UBE3D: variants seen among roughly 807,000 people sequenced by gnomAD.
The protein encoded by UBE3D is ubiquitin protein ligase E3D.
Under a neutral mutation model 49.6 loss-of-function variants are expected in UBE3D, and 48 were observed. That is an observed-to-expected ratio of 0.97 (90% CI 0.77 to 1.23). The LOEUF (loss-of-function observed/expected upper bound fraction) is 1.23, where lower values mean the gene tolerates loss of function less well. Ranked by LOEUF, UBE3D falls within the 50% of genes most tolerant of loss-of-function variation. The probability of loss-of-function intolerance (pLI) is 0.00; values close to 1 mark genes in which losing one functional copy is unlikely to be tolerated. For missense variants in UBE3D, 452 were observed against 468.4 expected (o/e 0.96, Z 0.32); for synonymous variants, 189 against 174.2 (o/e 1.08, Z -0.67).
At chr6:82,923,849 T>C (rs1773540912) in intron 9 of UBE3D, among the ~76,000 whole-genome samples, 1 of 152,224 alleles carries the variant, frequency 6.6e-6, no homozygotes, top group Non-Finnish European at 1.5e-5. Context: ...CTCAAGAATG[T>C]TAATTTAACA....
intron 8 of UBE3D, among the ~76,000 whole-genome samples, chr6:82,985,407 G>A (rs1778409235): frequency 1.3e-5 from 2 of 152,000 alleles, no homozygotes; most frequent in African/African-American, 4.8e-5. Flanking sequence ...CTGTTGCCCA[G>A]GCTGGAGTGC....
intron 8 of UBE3D, among the ~76,000 whole-genome samples, chr6:83,016,488 C>T (rs1780707734): frequency 6.6e-6 from 1 of 151,976 alleles, no homozygotes; most frequent in Non-Finnish European, 1.5e-5. Flanking sequence ...CTCCAGAAAC[C>T]TCAAAACCAA....
At position 83,065,570 on chromosome 6, in the gene UBE3D, G is replaced by A; in HGVS notation, c.77+72C>T. ...ACTCAAAATCCCTCGTACAGAGAGA[G>A]ACTCACCAGCCCCCGACCCCCGGGC... is the stretch of plus-strand genomic sequence containing the variant. On this transcript the variant is annotated intron_variant, in intron 1 of 9. Coordinates refer to ENST00000369747, the MANE Select transcript of UBE3D (RefSeq NM_198920.3). 2.1e-6 allele frequency: 3 copies of A among 1,425,066 alleles called. No homozygotes were observed. The South Asian group carries it at 3.6e-5, about 17-fold the overall frequency. The allele number at this position is 1,425,066 out of a possible 1,614,324, so 88.3% of individuals were successfully genotyped here. A position where few individuals can be genotyped will look rare whatever the true frequency, so the allele number is the denominator to read the frequency against.
intron 8 of UBE3D, among the ~76,000 whole-genome samples, chr6:82,984,888 A>G (rs3120807): frequency 0.88 from 132,780 of 151,746 alleles, 58,163 homozygotes; most frequent in East Asian, 0.96. Flanking sequence ...ATGGCTCCCT[A>G]AAGCCTTTAT....
At chr6:82,938,906 G>A (rs1266472900) in intron 9 of UBE3D, among the ~76,000 whole-genome samples, 1 of 151,980 alleles carries the variant, frequency 6.6e-6, no homozygotes, top group Non-Finnish European at 1.5e-5. Context: ...CCATAGTCTG[G>A]TGTGGTGGCA....
Position 82,950,965 on chromosome 6 carries a change from G to T in UBE3D, c.1149+6347C>A, listed in dbSNP as rs1414568759. 2.0e-5 allele frequency among the ~76,000 whole-genome samples: 3 copies of T among 151,658 alleles called. No individual in the cohort carries two copies. The East Asian group carries it at 5.8e-4, about 29-fold the overall frequency. On this transcript the variant is annotated intron_variant, in intron 9 of 9. Coordinates refer to ENST00000369747, the MANE Select transcript of UBE3D (RefSeq NM_198920.3). Reference sequence around the variant, plus strand: ...TGGTTACCAAAGGCTGGGAAGAGTAGTGGAGGGATGAGGGAAGTGGGGATG... The same window carrying T: ...TGGTTACCAAAGGCTGGGAAGAGTATTGGAGGGATGAGGGAAGTGGGGATG...
chr6:83,054,900 C>A (rs1456153592), intron 2 of UBE3D, among the ~76,000 whole-genome samples: 5 of 152,182 alleles, frequency 3.3e-5, no homozygotes, highest in Admixed American at 6.5e-5. Flanking sequence ...CCCCTTGCCT[C>A]GGCCTCCCAA....
Position 83,065,711 on chromosome 6 carries a change from G to A in UBE3D, c.8C>T (p.Ala3Val), listed in dbSNP as rs752725537. Residue 3 changes from alanine to valine, a missense_variant, in exon 1 of 10, where the codon GCT becomes GTT. Coordinates refer to ENST00000369747, the MANE Select transcript of UBE3D (RefSeq NM_198920.3). ...AAACACGCGCGTCTCCGCCGCAGAA[G>A]CCGCCATGGCAGGCTTCCAGTCCCA... MA[A>V]SAAETRVFLE... is the part of the protein sequence containing the mutation. The A allele has an allele frequency of 1.2e-6, 2 of 1,611,178 alleles. No homozygotes were observed. The highest frequency in any genetic ancestry group is 1.7e-6 in the Non-Finnish European group (2 of 1,178,880).
At chr6:83,013,619 C>A (rs903465340) in intron 8 of UBE3D, among the ~76,000 whole-genome samples, 4 of 152,198 alleles carry the variant, frequency 2.6e-5, no homozygotes. Flanking sequence ...ACTAGGCCTA[C>A]CAGGCGTTGT....
chr6:82,903,884 A>G (rs1771912816), intron 9 of UBE3D, among the ~76,000 whole-genome samples: 3 of 152,140 alleles, frequency 2.0e-5, no homozygotes. Flanking sequence ...AGAGGATGCT[A>G]TGTGATGTTT....
At chr6:83,022,320 C>A in intron 7 of UBE3D, 133 bp downstream of exon 7, 1 of 615,256 alleles carries the variant, frequency 1.6e-6, no homozygotes, top group South Asian at 2.8e-5. Flanking sequence ...AGCCACCGTG[C>A]CCAGCCTGAT....
At chr6:82,910,241 T>G (rs1172996947) in intron 9 of UBE3D, among the ~76,000 whole-genome samples, 3 of 152,134 alleles carry the variant, frequency 2.0e-5, no homozygotes, top group Non-Finnish European at 4.4e-5. Flanking sequence ...AAGGGACCAT[T>G]CATGTGGAAG....
At position 82,900,640 on chromosome 6, in the gene UBE3D, C is replaced by T. The variant is rs547117606; in HGVS notation, c.1150-7598G>A. ...GAGGAGGAAATAGCTTGTAAGGTTG[C>T]GACTGTGGATCCCACTAGTTATCAG... On this transcript the variant is annotated intron_variant, in intron 9 of 9. Coordinates refer to ENST00000369747, the MANE Select transcript of UBE3D (RefSeq NM_198920.3). 1.9e-4 allele frequency among the ~76,000 whole-genome samples: 29 copies of T among 152,272 alleles called. 1 individual carries two copies. Among genetic ancestry groups the T allele is most frequent in the African/African-American group, 5.8e-4 (24 of 41,568 alleles).
intron 3 of UBE3D, among the ~76,000 whole-genome samples, chr6:83,052,595 G>A (rs1352222735): frequency 6.6e-6 from 1 of 152,144 alleles, no homozygotes; most frequent in Non-Finnish European, 1.5e-5. Flanking sequence ...AGGCTGTGGG[G>A]CTGCACATTG....
chr6:82,886,903 A>T, the UBE3D span, among the ~76,000 whole-genome samples: 1 of 152,172 alleles, frequency 6.6e-6, no homozygotes, highest in Non-Finnish European at 1.5e-5. Flanking sequence ...TTACATTATG[A>T]ACCTTATTTC....
intron 7 of UBE3D, among the ~76,000 whole-genome samples, chr6:83,019,363 A>C (rs977939252): frequency 1.3e-5 from 2 of 152,120 alleles, no homozygotes. Context: ...GAAAATATGC[A>C]TAAGTAACAA....
intron 8 of UBE3D, among the ~76,000 whole-genome samples, chr6:82,971,739 T>C (rs1254440382): frequency 6.6e-6 from 1 of 152,162 alleles, no homozygotes. Flanking sequence ...TTTTTTTAAA[T>C]AGCTCTTGAT....
At chr6:82,962,167 T>G (rs1401949976) in intron 8 of UBE3D, among the ~76,000 whole-genome samples, 3 of 152,136 alleles carry the variant, frequency 2.0e-5, no homozygotes, top group South Asian at 4.1e-4. Flanking sequence ...ATAATCTGGT[T>G]TTTACATTTT....
chr6:82,883,533 T>C, the UBE3D span, among the ~76,000 whole-genome samples: 1 of 152,204 alleles, frequency 6.6e-6, no homozygotes, highest in South Asian at 2.1e-4. Context: ...AGTTCAACTG[T>C]TCCTTAATTT....
Sources: gnomAD v4.1 joint callset for allele counts (sites outside exome capture counted in the v4.1 genomes callset) on GRCh38, gnomAD v4.1.1 for gene constraint, MANE v1.5 for transcripts, NCBI Gene and HGNC (gene_info 2026-07-23, HGNC 2026-07-21) for gene names.